NTRK3: variants seen among roughly 807,000 people sequenced by gnomAD.
NTRK3 encodes NT-3 growth factor receptor.
A neutral mutation model predicts 91.7 loss-of-function variants in NTRK3; 24 were observed. That is an observed-to-expected ratio of 0.26 (90% CI 0.19 to 0.37). The LOEUF (loss-of-function observed/expected upper bound fraction) is 0.37, where lower values mean the gene tolerates loss of function less well. Ranked by LOEUF, NTRK3 falls within the 10% of genes least tolerant of loss-of-function variation. NTRK3 has a pLI of 1.00. For synonymous variants in NTRK3, 483 were observed against 404.0 expected, an observed-to-expected ratio of 1.20 and a Z score of -2.34; for missense variants, 880 against 1,068.9, an observed-to-expected ratio of 0.82 and a Z score of 2.46.
At chr15:88,245,449 A>G (rs995657211) in intron 3 of NTRK3, among the ~76,000 whole-genome samples, 1 of 152,208 alleles carries the variant, frequency 6.6e-6, no homozygotes, top group Non-Finnish European at 1.5e-5. Flanking sequence ...TTTTTTGACC[A>G]AAGAAGCCTC....
intron 14 of NTRK3, among the ~76,000 whole-genome samples, chr15:87,985,934 G>A (rs1480264053): frequency 1.3e-5 from 2 of 152,172 alleles, no homozygotes. Context: ...CCAATGATAA[G>A]CTGATCTTGG....
chr15:88,031,601 A>G (rs1004501069), intron 14 of NTRK3, among the ~76,000 whole-genome samples: 1 of 152,176 alleles, frequency 6.6e-6, no homozygotes, highest in South Asian at 2.1e-4. Context: ...GGAGCATCTG[A>G]TACACACTGA....
chr15:87,907,083 ACAAT>A (rs569138121), intron 17 of NTRK3, among the ~76,000 whole-genome samples: 49 of 152,332 alleles, frequency 3.2e-4, no homozygotes, highest in Non-Finnish European at 6.2e-4. Flanking sequence ...CCAACTTTAG[ACAAT>A]CAAACATACA....
chr15:88,190,483 C>T (rs2047299270), intron 3 of NTRK3, among the ~76,000 whole-genome samples: 1 of 152,192 alleles, frequency 6.6e-6, no homozygotes, highest in East Asian at 1.9e-4. Flanking sequence ...AATTTGTAGC[C>T]CTACTACAAA....
At chr15:87,885,862 G>C (rs2065504387) in intron 17 of NTRK3, 127 bp from the exon 18 acceptor site, 3 of 402,432 alleles carry the variant, frequency 7.5e-6, no homozygotes, top group Admixed American at 9.1e-5. Flanking sequence ...ATAAGATTTA[G>C]AGATACAACT....
At chr15:88,043,252 A>ACAGG (rs2079831950) in intron 13 of NTRK3, among the ~76,000 whole-genome samples, 1 of 152,342 alleles carries the variant, frequency 6.6e-6, no homozygotes, top group East Asian at 1.9e-4. Flanking sequence ...CCAGGCATCA[A>ACAGG]CAGGAAGTGA....
chr15:87,934,869 C>A (rs1323708705), intron 15 of NTRK3, among the ~76,000 whole-genome samples: 1 of 152,174 alleles, frequency 6.6e-6, no homozygotes, highest in Non-Finnish European at 1.5e-5. Flanking sequence ...GGTCTTCCAG[C>A]CAGAGATCAA....
intron 3 of NTRK3, among the ~76,000 whole-genome samples, chr15:88,213,850 C>A (rs755994114): frequency 6.6e-6 from 1 of 152,098 alleles, no homozygotes; most frequent in African/African-American, 2.4e-5. Context: ...GAGGATAAGG[C>A]GGGTGGATCA....
chr15:88,202,009 TA>T (rs111722254), intron 3 of NTRK3, among the ~76,000 whole-genome samples: 116 of 147,938 alleles, frequency 7.8e-4, no homozygotes, highest in Non-Finnish European at 1.4e-3. Flanking sequence ...TCTGGATTCC[TA>T]AAAAAAAAAG....
At chr15:87,933,857 G>A (rs2069022341) in intron 15 of NTRK3, among the ~76,000 whole-genome samples, 1 of 152,234 alleles carries the variant, frequency 6.6e-6, no homozygotes, top group Admixed American at 6.5e-5. Flanking sequence ...ATACACTCAG[G>A]GCCAGGCAGA....
chr15:87,995,732 G>A (rs1337594620), intron 14 of NTRK3, among the ~76,000 whole-genome samples: 2 of 152,128 alleles, frequency 1.3e-5, no homozygotes, highest in African/African-American at 2.4e-5. Flanking sequence ...TCTGTCAAGA[G>A]ACAGACAGTA....
At chr15:88,072,890 C>T (rs919616659) in intron 13 of NTRK3, 21 of 231,692 alleles carry the variant, frequency 9.1e-5, no homozygotes, top group Non-Finnish European at 1.5e-4. Context: ...CAGCATCAGC[C>T]CAGTCAAGAC....
chr15:88,136,641 G>A (rs373472445), intron 7 of NTRK3, 32 bp from the exon 8 acceptor site: 3 of 1,605,656 alleles, frequency 1.9e-6, no homozygotes, highest in African/African-American at 2.7e-5. Flanking sequence ...TGAAAAGACA[G>A]GCAAACACTT....
intron 3 of NTRK3, among the ~76,000 whole-genome samples, chr15:88,195,882 G>C (rs911363350): frequency 4.6e-5 from 7 of 152,192 alleles, no homozygotes; most frequent in Admixed American, 3.3e-4. Flanking sequence ...GCTGGCCCCA[G>C]GGGTTCTGAG....
At chr15:87,994,599 C>T (rs547697637) in intron 14 of NTRK3, among the ~76,000 whole-genome samples, 32 of 152,264 alleles carry the variant, frequency 2.1e-4, no homozygotes, top group African/African-American at 6.5e-4. Flanking sequence ...CCTCCAGAAC[C>T]GAGAAAATAA....
At chr15:88,044,673 A>G (rs1385279511) in intron 13 of NTRK3, among the ~76,000 whole-genome samples, 2 of 151,756 alleles carry the variant, frequency 1.3e-5, no homozygotes, top group Non-Finnish European at 2.9e-5. Flanking sequence ...TAAATCAAAG[A>G]TGCTGAAATG....
chr15:87,994,991 T>G (rs2075581971), intron 14 of NTRK3, among the ~76,000 whole-genome samples: 1 of 152,158 alleles, frequency 6.6e-6, no homozygotes. Flanking sequence ...AGATAAGAGA[T>G]TTAGATTAAG....
Position 88,040,402 on chromosome 15 carries a change from A to C in NTRK3, c.1397-7357T>G, listed in dbSNP as rs572395860. Among the ~76,000 whole-genome samples the C allele has an allele frequency of 4.6e-5, 7 of 152,162 alleles. No homozygotes were observed. In the South Asian group the frequency reaches 1.2e-3, roughly 27 times the overall value. On this transcript the variant is annotated intron_variant, in intron 13 of 18. Coordinates refer to ENST00000394480, the Ensembl canonical transcript of NTRK3. ...GCAGAAGCCTTTGGTGACTCCAGGG[A>C]AAGTTCTTCTCAGGGTTCATAATGC... is the stretch of plus-strand genomic sequence containing the variant.
intron 13 of NTRK3, among the ~76,000 whole-genome samples, chr15:88,111,738 CT>C (rs1389928836): frequency 6.6e-6 from 1 of 152,124 alleles, no homozygotes; most frequent in African/African-American, 2.4e-5. Context: ...TCTCAGTTTT[CT>C]CATGTGTGAA....
Sources: allele counts gnomAD v4.1 joint callset (sites outside exome capture counted in the v4.1 genomes callset), GRCh38; gene constraint gnomAD v4.1.1; transcripts MANE v1.5; gene names NCBI Gene and HGNC (gene_info 2026-07-23, HGNC 2026-07-21).